The following RARB variants were observed in gnomAD, a reference collection of about 807,000 sequenced individuals.
RARB encodes the protein retinoic acid receptor beta.
Under a neutral mutation model 51.9 loss-of-function variants are expected in RARB, and 17 were observed. That is an observed-to-expected ratio of 0.33 (90% confidence interval 0.22 to 0.49). RARB has a LOEUF of 0.49. Ranked by LOEUF, RARB falls within the 20% of genes least tolerant of loss-of-function variation. The probability of loss-of-function intolerance (pLI) is 0.99; values close to 1 mark genes in which losing one functional copy is unlikely to be tolerated. For missense variants in RARB, 369 were observed against 550.8 expected, an observed-to-expected ratio of 0.67 and a Z score of 3.30; for synonymous variants, 215 against 195.4, an observed-to-expected ratio of 1.10 and a Z score of -0.84.
Position 25,219,533 on chromosome 3 carries a change from G to A in RARB, c.178+44958G>A, listed in dbSNP as rs1452785310. On this transcript the variant is annotated intron_variant, in intron 5 of 11. Coordinates refer to the RARB transcript ENST00000383772. ...TGCATCTCTTGGTAACAAAAGCAAG[G>A]ATCTAGGGAGAAGAAGGGAGTGGGG... Among the ~76,000 whole-genome samples the A allele has an allele frequency of 2.0e-5, 3 of 152,162 alleles. No individual in the cohort carries two copies. The East Asian group carries it at 5.8e-4, about 29-fold the overall frequency.
chr3:25,347,269 A>T (rs1262839283), intron 5 of RARB, among the ~76,000 whole-genome samples: 1 of 152,148 alleles, frequency 6.6e-6, no homozygotes, highest in East Asian at 1.9e-4. Context: ...AAATGATGCA[A>T]TGTGGAATGC....
chr3:25,456,545 A>C (rs539578418), intron 1 of RARB, among the ~76,000 whole-genome samples: 46 of 135,534 alleles, frequency 3.4e-4, no homozygotes. Flanking sequence ...CTGACAGACT[A>C]TACCACTGAT....
At chr3:25,339,688 C>T (rs1203540246) in intron 5 of RARB, among the ~76,000 whole-genome samples, 1 of 151,798 alleles carries the variant, frequency 6.6e-6, no homozygotes, top group Non-Finnish European at 1.5e-5. Flanking sequence ...AGGGATCTTG[C>T]TCTCTTGGAT....
intron 2 of RARB, among the ~76,000 whole-genome samples, chr3:24,964,312 G>A (rs149653956): frequency 5.3e-5 from 8 of 152,164 alleles, no homozygotes; most frequent in African/African-American, 1.4e-4. Flanking sequence ...AAATTAAATA[G>A]GAATCTGTTC....
At chr3:25,204,615 C>G (rs1425205724) in intron 5 of RARB, among the ~76,000 whole-genome samples, 2 of 152,088 alleles carry the variant, frequency 1.3e-5, no homozygotes, top group Non-Finnish European at 2.9e-5. Flanking sequence ...TGTGGATGTC[C>G]TTTCTGTTTG....
At chr3:25,568,526 C>A (rs1271033385) in intron 3 of RARB, among the ~76,000 whole-genome samples, 1 of 152,056 alleles carries the variant, frequency 6.6e-6, no homozygotes, top group African/African-American at 2.4e-5. Flanking sequence ...CCCTTCTCAC[C>A]CCTTGCTCTT....
At chr3:25,315,638 G>A (rs184862583) in intron 5 of RARB, among the ~76,000 whole-genome samples, 181 of 152,260 alleles carry the variant, frequency 1.2e-3, no homozygotes, top group African/African-American at 4.1e-3. Flanking sequence ...TTTTGAGACA[G>A]AGTCTTGCTC....
intron 5 of RARB, among the ~76,000 whole-genome samples, chr3:25,269,305 AT>A: frequency 6.6e-6 from 1 of 152,158 alleles, no homozygotes; most frequent in Non-Finnish European, 1.5e-5. Context: ...CCTATTATTT[AT>A]TATTCTTTAA....
chr3:25,504,904 C>T (rs1294940327), intron 3 of RARB, among the ~76,000 whole-genome samples: 2 of 151,552 alleles, frequency 1.3e-5, no homozygotes, highest in African/African-American at 4.9e-5. Flanking sequence ...ATTATAGGCG[C>T]CTGCCACCAC....
At chr3:24,863,708 CT>C (rs747890755) in intron 2 of RARB, among the ~76,000 whole-genome samples, 673 of 143,142 alleles carry the variant, frequency 4.7e-3, no homozygotes, top group Non-Finnish European at 5.5e-3. Flanking sequence ...ACAAGTTTGA[CT>C]TTTTTTTTTT....
intron 2 of RARB, among the ~76,000 whole-genome samples, chr3:24,900,541 G>T (rs535140230): frequency 6.6e-6 from 1 of 152,188 alleles, no homozygotes; most frequent in African/African-American, 2.4e-5. Context: ...CTCTCTTGTC[G>T]TTTGGTTCAA....
chr3:24,972,763 T>C (rs1696428529), intron 2 of RARB, among the ~76,000 whole-genome samples: 1 of 152,064 alleles, frequency 6.6e-6, no homozygotes, highest in African/African-American at 2.4e-5. Flanking sequence ...CATTTTTTCA[T>C]ATACCCCGTG....
intron 5 of RARB, among the ~76,000 whole-genome samples, chr3:25,321,353 T>A (rs1189437641): frequency 6.6e-6 from 1 of 152,210 alleles, no homozygotes; most frequent in African/African-American, 2.4e-5. Flanking sequence ...TAATACACTG[T>A]CTTTTTTGTT....
chr3:25,470,785 T>G (rs184470592), intron 2 of RARB, among the ~76,000 whole-genome samples: 23 of 152,276 alleles, frequency 1.5e-4, no homozygotes, highest in Middle Eastern at 3.4e-3. Context: ...TGTTCGCCTT[T>G]GTAGCACTTA....
At chr3:24,839,543 A>G (rs1458122630) in intron 1 of RARB, among the ~76,000 whole-genome samples, 1 of 151,388 alleles carries the variant, frequency 6.6e-6, no homozygotes, top group Admixed American at 6.6e-5. Flanking sequence ...CTGAAAAAAA[A>G]AAAAAAATAC....
At chr3:25,351,086 G>A (rs1297574296) in intron 5 of RARB, among the ~76,000 whole-genome samples, 1 of 152,074 alleles carries the variant, frequency 6.6e-6, no homozygotes, top group South Asian at 2.1e-4. Flanking sequence ...CTGGTGCAGC[G>A]CTATATTATT....
intron 5 of RARB, among the ~76,000 whole-genome samples, chr3:25,327,839 A>C (rs1025295425): frequency 5.9e-5 from 9 of 152,252 alleles, no homozygotes; most frequent in African/African-American, 2.2e-4. Flanking sequence ...GACTATAGGC[A>C]AGTAATACTA....
At chr3:24,959,489 G>GT (rs1336427044) in intron 2 of RARB, among the ~76,000 whole-genome samples, 3 of 152,136 alleles carry the variant, frequency 2.0e-5, no homozygotes, top group Admixed American at 6.5e-5. Flanking sequence ...GAAACACAGG[G>GT]TTTTTTATCG....
chr3:25,155,032 T>C (rs1400493385), intron 4 of RARB, among the ~76,000 whole-genome samples: 1 of 152,230 alleles, frequency 6.6e-6, no homozygotes, highest in Non-Finnish European at 1.5e-5. Context: ...GTTAACATTT[T>C]ATCATTCTCA....
Sources: allele counts gnomAD v4.1 joint callset (sites outside exome capture counted in the v4.1 genomes callset), GRCh38; gene constraint gnomAD v4.1.1; transcripts MANE v1.5; gene names NCBI Gene and HGNC (gene_info 2026-07-23, HGNC 2026-07-21).